The following ADAMTS6 variants were observed in gnomAD, a reference collection of about 807,000 sequenced individuals.
ADAMTS6 encodes the protein A disintegrin and metalloproteinase with thrombospondin motifs 6.
Under a neutral mutation model 144.3 loss-of-function variants are expected in ADAMTS6, and 23 were observed. The observed-to-expected ratio is 0.16, with a 90% CI of 0.11 to 0.23. ADAMTS6 has a LOEUF of 0.23. Ranked by LOEUF, ADAMTS6 falls within the 10% of genes least tolerant of loss-of-function variation. The pLI is 1.00. For synonymous variants in ADAMTS6, 444 were observed against 457.5 expected (o/e 0.97, Z 0.38); for missense variants, 999 against 1,379.6 (o/e 0.72, Z 4.37).
rs1279192301 is a variant in ADAMTS6, at chr5:65,230,773, G to A, written c.1934-4554C>T. 7.3e-5 allele frequency among the ~76,000 whole-genome samples: 7 copies of A among 96,110 alleles called. 1 individual carries two copies. The highest frequency in any genetic ancestry group is 2.6e-4 in the African/African-American group (6 of 22,988). 63.1% of individuals were successfully genotyped at this position (96,110 alleles called of 152,430 possible). The stretch of plus-strand genomic sequence containing the variant: ...TATGAAATATATATATAACACATAT[G>A]TATGAAATATATATATAACACATAT... On this transcript the variant is annotated intron_variant, in intron 15 of 24. Coordinates refer to ENST00000381055, the MANE Select transcript of ADAMTS6 (RefSeq NM_197941.4).
At chr5:65,191,404 T>C (rs1425985769) in intron 21 of ADAMTS6, among the ~76,000 whole-genome samples, 1 of 152,156 alleles carries the variant, frequency 6.6e-6, no homozygotes, top group Non-Finnish European at 1.5e-5. Context: ...AATATTGTTT[T>C]TGCTTTTTAA....
intron 22 of ADAMTS6, among the ~76,000 whole-genome samples, chr5:65,174,130 C>A (rs1458330501): frequency 6.6e-6 from 1 of 152,112 alleles, no homozygotes; most frequent in African/African-American, 2.4e-5. Flanking sequence ...ATTTCCAGAT[C>A]TCCTACAGGA....
chr5:65,206,871 TAC>T (rs369239207), intron 20 of ADAMTS6, among the ~76,000 whole-genome samples: 3 of 135,736 alleles, frequency 2.2e-5, no homozygotes, highest in African/African-American at 5.5e-5. Flanking sequence ...CACACACAAA[TAC>T]ACACACACAC....
intron 7 of ADAMTS6, among the ~76,000 whole-genome samples, chr5:65,358,140 T>C (rs1194160287): frequency 6.6e-6 from 1 of 151,896 alleles, no homozygotes; most frequent in Non-Finnish European, 1.5e-5. Context: ...CATGAGTAAA[T>C]GGGATTCATC....
chr5:65,397,602 T>C (rs1269529968), intron 7 of ADAMTS6, among the ~76,000 whole-genome samples: 3 of 151,998 alleles, frequency 2.0e-5, no homozygotes, highest in Admixed American at 2.0e-4. Context: ...TATGGCCAGG[T>C]GTGGTGGCTC....
rs532049268 is a variant in ADAMTS6, at chr5:65,383,802, C to A, written c.1074-49717G>T. 5.9e-4 allele frequency among the ~76,000 whole-genome samples: 90 copies of A among 152,158 alleles called. 1 individual carries two copies. Among genetic ancestry groups the A allele is most frequent in the Admixed American group, 3.1e-3 (47 of 15,284 alleles). ...GTGGGGGCCCTCTATGGTGACTCCCCTCATAGCAATTCTCTGCCTGAGCCC... is the reference window on the plus strand; with the variant it reads ...GTGGGGGCCCTCTATGGTGACTCCCATCATAGCAATTCTCTGCCTGAGCCC... On this transcript the variant is annotated intron_variant, in intron 7 of 24. Transcript: ENST00000381055.
intron 12 of ADAMTS6, among the ~76,000 whole-genome samples, chr5:65,263,831 T>C (rs941086092): frequency 1.3e-5 from 2 of 152,346 alleles, no homozygotes; most frequent in Admixed American, 6.5e-5. Context: ...ATAATGCTAC[T>C]ATGAAAGTCA....
chr5:65,402,701 C>A (rs1053318434), intron 7 of ADAMTS6, among the ~76,000 whole-genome samples: 1 of 151,004 alleles, frequency 6.6e-6, no homozygotes, highest in African/African-American at 2.5e-5. Context: ...CACCCCCCCC[C>A]ATATTTGGCG....
chr5:65,445,788 T>C (rs538463116), intron 7 of ADAMTS6, among the ~76,000 whole-genome samples: 3 of 152,146 alleles, frequency 2.0e-5, no homozygotes, highest in South Asian at 2.1e-4. Flanking sequence ...GAAAGGAAAC[T>C]GAAGAGGAGG....
chr5:65,220,372 T>C (rs1232850450), intron 18 of ADAMTS6, among the ~76,000 whole-genome samples: 1 of 152,196 alleles, frequency 6.6e-6, no homozygotes. Context: ...TAATCAGTAA[T>C]TTAAGTTTGT....
Position 65,172,853 on chromosome 5 carries a change from C to A in ADAMTS6, c.3066G>T (p.Trp1022Cys), listed in dbSNP as rs1422563745. Residue 1022 changes from tryptophan (W) to cysteine (C), a missense_variant, in exon 23 of 25, where the codon TGG becomes TGT. Physicochemically the swap from Trp to Cys is radical, Grantham distance 215. This residue lies in a region of ADAMTS6 where 619 missense variants were observed against 837.0 expected (regional missense o/e 0.74). Transcript: ENST00000381055. ...TTACCTGGCCCCAGTCTCCTGTGAC[C>A]CAGCGAGGAGGAGGGCAGCGGCCCA... Reference protein sequence around the residue: ...CSLGRCPPPRWVTGDWGQCSA... With the variant: ...CSLGRCPPPRCVTGDWGQCSA... The A allele has an allele frequency of 6.2e-7, 1 of 1,614,076 alleles. No homozygotes were observed. Among genetic ancestry groups the A allele is most frequent in the South Asian group, 1.1e-5 (1 of 91,064 alleles).
At chr5:65,438,401 GC>G (rs1757614034) in intron 7 of ADAMTS6, among the ~76,000 whole-genome samples, 1 of 152,160 alleles carries the variant, frequency 6.6e-6, no homozygotes, top group South Asian at 2.1e-4. Context: ...GGTGTCGGGT[GC>G]CTGTAATCCC....
intron 4 of ADAMTS6, among the ~76,000 whole-genome samples, chr5:65,459,451 A>G (rs894847790): frequency 2.0e-5 from 3 of 152,158 alleles, no homozygotes; most frequent in African/African-American, 7.2e-5. Flanking sequence ...CCCAACCACT[A>G]TGAACCTCAC....
intron 15 of ADAMTS6, among the ~76,000 whole-genome samples, chr5:65,238,575 G>A (rs1032903213): frequency 6.6e-6 from 1 of 151,304 alleles, no homozygotes; most frequent in Non-Finnish European, 1.5e-5. Flanking sequence ...TCTCCAGCCT[G>A]GACAACAGAA....
intron 21 of ADAMTS6, among the ~76,000 whole-genome samples, chr5:65,192,160 A>G (rs1222849901): frequency 6.6e-6 from 1 of 152,084 alleles, no homozygotes; most frequent in Non-Finnish European, 1.5e-5. Flanking sequence ...AAATATACCA[A>G]TTAAATAAAA....
At chr5:65,445,797 G>C (rs1758233509) in intron 7 of ADAMTS6, among the ~76,000 whole-genome samples, 1 of 152,164 alleles carries the variant, frequency 6.6e-6, no homozygotes, top group Non-Finnish European at 1.5e-5. Flanking sequence ...CTGAAGAGGA[G>C]GAATATGGGC....
intron 3 of ADAMTS6, among the ~76,000 whole-genome samples, chr5:65,464,577 C>A (rs1465071631): frequency 6.6e-6 from 1 of 151,996 alleles, no homozygotes; most frequent in Non-Finnish European, 1.5e-5. Flanking sequence ...GATATTTGCC[C>A]ACTTCAGTTC....
chr5:65,376,149 G>A (rs1345363334), intron 7 of ADAMTS6, among the ~76,000 whole-genome samples: 1 of 152,034 alleles, frequency 6.6e-6, no homozygotes, highest in East Asian at 1.9e-4. Flanking sequence ...ATTGGGAGAT[G>A]TACCTAATGC....
chr5:65,342,211 C>A (rs1456820795), intron 7 of ADAMTS6, among the ~76,000 whole-genome samples: 2 of 151,972 alleles, frequency 1.3e-5, no homozygotes, highest in Non-Finnish European at 2.9e-5. Flanking sequence ...ACTGCTGACA[C>A]AGACATACCC....
Sources: gnomAD v4.1 joint callset for allele counts (sites outside exome capture counted in the v4.1 genomes callset) on GRCh38, gnomAD v4.1.1 for gene constraint, gnomAD v4.1.1 regional missense constraint, MANE v1.5 for transcripts, NCBI Gene and HGNC (gene_info 2026-07-23, HGNC 2026-07-21) for gene names.